ZFPM2: variants seen among roughly 807,000 people sequenced by gnomAD.
The protein encoded by ZFPM2 is zinc finger protein ZFPM2.
ZFPM2 carries 20 observed loss-of-function variants against 98.6 expected under a neutral mutation model. The observed-to-expected ratio is 0.20, with a 90% CI of 0.14 to 0.29. The LOEUF (loss-of-function observed/expected upper bound fraction) is 0.29. ZFPM2 is among the 10% of genes least tolerant of loss of function. ZFPM2 has a pLI of 1.00. For missense variants in ZFPM2, 1,310 were observed against 1,388.6 expected (o/e 0.94, Z 0.90); for synonymous variants, 518 against 502.7 (o/e 1.03, Z -0.41).
chr8:105,374,883 GACA>G (rs1810692665), intron 1 of ZFPM2, among the ~76,000 whole-genome samples: 1 of 149,432 alleles, frequency 6.7e-6, no homozygotes. Flanking sequence ...TGGGAGTAAA[GACA>G]ACATTTTTTT....
chr8:105,529,719 C>T (rs2130577694), intron 3 of ZFPM2, among the ~76,000 whole-genome samples: 1 of 151,848 alleles, frequency 6.6e-6, no homozygotes, highest in African/African-American at 2.4e-5. Context: ...GAAAACATGC[C>T]ACTTTGATTT....
At chr8:105,499,142 C>G (rs1244909218) in intron 3 of ZFPM2, among the ~76,000 whole-genome samples, 1 of 152,050 alleles carries the variant, frequency 6.6e-6, no homozygotes, top group Non-Finnish European at 1.5e-5. Flanking sequence ...TTAGCCCTTC[C>G]CTCCTGCCCT....
At chr8:105,538,030 CA>C (rs1185575991) in intron 3 of ZFPM2, among the ~76,000 whole-genome samples, 21 of 152,110 alleles carry the variant, frequency 1.4e-4, no homozygotes, top group African/African-American at 4.8e-4. Flanking sequence ...ATATTGACAA[CA>C]AATCTTTGCT....
intron 1 of ZFPM2, among the ~76,000 whole-genome samples, chr8:105,343,236 C>G (rs796356872): frequency 6.6e-6 from 1 of 152,254 alleles, no homozygotes; most frequent in African/African-American, 2.4e-5. Context: ...TTTTAGTTAA[C>G]TGAGTCTTCA....
chr8:105,456,270 T>C (rs1812591729), intron 3 of ZFPM2, among the ~76,000 whole-genome samples: 1 of 151,566 alleles, frequency 6.6e-6, no homozygotes, highest in Non-Finnish European at 1.5e-5. Context: ...ATTCAGATAT[T>C]AGTGATTTTA....
intron 1 of ZFPM2, among the ~76,000 whole-genome samples, chr8:105,348,228 A>G (rs1443752567): frequency 6.6e-6 from 1 of 152,232 alleles, no homozygotes; most frequent in Non-Finnish European, 1.5e-5. Flanking sequence ...AGTGTTGGTT[A>G]TATTTATGTA....
intron 1 of ZFPM2, 83 bp from the exon 2 acceptor site, chr8:105,419,061 A>G (rs1260099741): frequency 7.3e-7 from 1 of 1,370,394 alleles, no homozygotes. Context: ...CACCACTGTA[A>G]CAAAAAAAGG....
intron 1 of ZFPM2, among the ~76,000 whole-genome samples, chr8:105,363,423 T>C (rs2129773134): frequency 6.6e-6 from 1 of 152,310 alleles, no homozygotes; most frequent in East Asian, 1.9e-4. Context: ...TTTGTAAGCT[T>C]TAGTTTTTTA....
intron 5 of ZFPM2, among the ~76,000 whole-genome samples, chr8:105,643,102 G>A (rs906588413): frequency 2.6e-5 from 4 of 152,100 alleles, no homozygotes; most frequent in East Asian, 3.9e-4. Context: ...GAGGGTACAC[G>A]TGATGAAATC....
chr8:105,412,706 T>G (rs1362353789), intron 1 of ZFPM2, among the ~76,000 whole-genome samples: 1 of 151,720 alleles, frequency 6.6e-6, no homozygotes, highest in Non-Finnish European at 1.5e-5. Context: ...GAAATAAGAT[T>G]TTATTCTTGC....
At chr8:105,352,586 C>G (rs1050800495) in intron 1 of ZFPM2, among the ~76,000 whole-genome samples, 22 of 149,040 alleles carry the variant, frequency 1.5e-4, no homozygotes, top group African/African-American at 5.5e-4. Context: ...CCCATTTTAC[C>G]GTTTTTTTTT....
chr8:105,593,159 AT>A (rs1363815915), intron 4 of ZFPM2, among the ~76,000 whole-genome samples: 2 of 152,086 alleles, frequency 1.3e-5, no homozygotes, highest in African/African-American at 2.4e-5. Flanking sequence ...ATATGTGTGT[AT>A]GTCTAAGAAC....
At chr8:105,746,743 T>G (rs1057352715) in intron 5 of ZFPM2, among the ~76,000 whole-genome samples, 1 of 150,458 alleles carries the variant, frequency 6.6e-6, no homozygotes, top group Non-Finnish European at 1.5e-5. Flanking sequence ...CAAAAAACAT[T>G]CAAATGTAAG....
chr8:105,594,074 C>T (rs76466118), intron 4 of ZFPM2, among the ~76,000 whole-genome samples: 1,596 of 152,126 alleles, frequency 0.01, 22 homozygotes, highest in African/African-American at 0.033. Flanking sequence ...GTAGTAAAAA[C>T]TTTAAATTTT....
At chr8:105,642,082 C>G (rs1241367213) in intron 5 of ZFPM2, among the ~76,000 whole-genome samples, 1 of 152,034 alleles carries the variant, frequency 6.6e-6, no homozygotes, top group East Asian at 1.9e-4. Context: ...CAAAGAGATG[C>G]TAATCTTGAA....
At chr8:105,552,241 G>T (rs553280628) in intron 3 of ZFPM2, among the ~76,000 whole-genome samples, 2 of 152,202 alleles carry the variant, frequency 1.3e-5, no homozygotes, top group African/African-American at 4.8e-5. Flanking sequence ...GGACCTTTCT[G>T]TGGCCCTCCA....
At chr8:105,498,007 G>A (rs1011163720) in intron 3 of ZFPM2, among the ~76,000 whole-genome samples, 3 of 148,236 alleles carry the variant, frequency 2.0e-5, no homozygotes, top group Non-Finnish European at 3.0e-5. Flanking sequence ...GCAACATAGG[G>A]AGGCCCTCCC....
At chr8:105,680,272 G>C (rs1304191418) in intron 5 of ZFPM2, among the ~76,000 whole-genome samples, 2 of 152,030 alleles carry the variant, frequency 1.3e-5, no homozygotes, top group Non-Finnish European at 2.9e-5. Context: ...AAAAATCTAT[G>C]TTGTAGTGGA....
At chr8:105,549,413 A>G (rs1486902052) in intron 3 of ZFPM2, among the ~76,000 whole-genome samples, 3 of 152,062 alleles carry the variant, frequency 2.0e-5, no homozygotes, top group African/African-American at 7.2e-5. Flanking sequence ...AGAAAATGCT[A>G]TCAATGCAAA....
Sources: gnomAD v4.1 joint callset for allele counts (sites outside exome capture counted in the v4.1 genomes callset) on GRCh38, gnomAD v4.1.1 for gene constraint, MANE v1.5 for transcripts, NCBI Gene and HGNC (gene_info 2026-07-23, HGNC 2026-07-21) for gene names.